ZMAT4: variants seen among roughly 807,000 people sequenced by gnomAD.
ZMAT4 encodes zinc finger matrin-type 4, also known as zinc finger matrin-type protein 4.
A neutral mutation model predicts 28.7 loss-of-function variants in ZMAT4; 17 were observed. That is an observed-to-expected ratio of 0.59 (90% CI 0.41 to 0.89). ZMAT4 has a LOEUF of 0.89. Among genes scored for constraint, ZMAT4 ranks in the 40% least tolerant of loss-of-function variants. ZMAT4 has a pLI of 0.00. For synonymous variants in ZMAT4, 117 were observed against 109.2 expected (o/e 1.07, Z -0.44); for missense variants, 240 against 283.8 (o/e 0.85, Z 1.11).
rs139974686 is a variant in ZMAT4, at chr8:40,684,005, C to T, written c.350-9074G>A. ...ATTGCTTGATCCCATAAGGTCAAGG[C>T]TACAGTGAACCATATTTGTGCCACT... is the stretch of plus-strand genomic sequence containing the variant. On this transcript the variant is annotated intron_variant, in intron 4 of 6. Coordinates refer to ENST00000297737, the MANE Select transcript of ZMAT4 (RefSeq NM_024645.3). Among the ~76,000 whole-genome samples the T allele has an allele frequency of 6.3e-3, 961 of 151,590 alleles. 7 individuals are homozygous for T. The highest frequency in any genetic ancestry group is 0.021 in the African/African-American group (860 of 41,270).
chr8:40,720,535 T>C (rs888158854), intron 3 of ZMAT4, among the ~76,000 whole-genome samples: 1 of 149,426 alleles, frequency 6.7e-6, no homozygotes, highest in African/African-American at 2.5e-5. Flanking sequence ...TTTTTTTTTT[T>C]TTTTTTTTTT....
intron 1 of ZMAT4, among the ~76,000 whole-genome samples, chr8:40,893,864 T>C (rs1022278025): frequency 6.6e-6 from 1 of 152,182 alleles, no homozygotes; most frequent in Admixed American, 6.5e-5. Context: ...CCCCTCTTCA[T>C]GTCCATGTGT....
chr8:40,759,079 C>T (rs1279137852), intron 3 of ZMAT4, among the ~76,000 whole-genome samples: 1 of 151,740 alleles, frequency 6.6e-6, no homozygotes, highest in Non-Finnish European at 1.5e-5. Flanking sequence ...GTCAGGAGTT[C>T]GAGACCAGCC....
intron 3 of ZMAT4, among the ~76,000 whole-genome samples, chr8:40,751,452 AG>A (rs779707120): frequency 4.6e-5 from 7 of 152,002 alleles, no homozygotes; most frequent in Non-Finnish European, 1.0e-4. Flanking sequence ...CACTCTCATG[AG>A]GACTGCACCA....
intron 1 of ZMAT4, among the ~76,000 whole-genome samples, chr8:40,835,486 C>A (rs1816445786): frequency 6.6e-6 from 1 of 152,218 alleles, no homozygotes; most frequent in Non-Finnish European, 1.5e-5. Flanking sequence ...CTGCTCCAGA[C>A]AGGTGGATTT....
In ZMAT4 at chr8:40,746,953, A is replaced by C. The variant is rs904104808; in HGVS notation, c.192+20688T>G. Among the ~76,000 whole-genome samples, 6 of 152,150 alleles carry C rather than the reference A, an allele frequency of 3.9e-5. No individual in the cohort carries two copies. The South Asian group carries it at 1.2e-3, about 32-fold the overall frequency. On this transcript the variant is annotated intron_variant, in intron 3 of 6. Transcript: ENST00000297737. ...CCACTCAGAATCACTGCTGCAGAAA[A>C]ATTCCCTCATTCCGAGGCTGGTGAT...
At chr8:40,820,612 G>T (rs1815738346) in intron 2 of ZMAT4, among the ~76,000 whole-genome samples, 1 of 119,168 alleles carries the variant, frequency 8.4e-6, no homozygotes, top group Admixed American at 8.2e-5. Flanking sequence ...GTGCATGTGT[G>T]TGTATGTGTG....
intron 1 of ZMAT4, among the ~76,000 whole-genome samples, chr8:40,870,393 G>A (rs555981062): frequency 6.6e-6 from 1 of 152,260 alleles, no homozygotes; most frequent in Non-Finnish European, 1.5e-5. Context: ...TAATTAAAAT[G>A]TTTTTTCTCC....
intron 3 of ZMAT4, among the ~76,000 whole-genome samples, chr8:40,709,453 C>A (rs1441949708): frequency 1.3e-5 from 2 of 152,062 alleles, no homozygotes; most frequent in Non-Finnish European, 2.9e-5. Flanking sequence ...TTTAAATTAC[C>A]TGAGCCTTTA....
At chr8:40,836,903 T>C (rs1254023407) in intron 1 of ZMAT4, among the ~76,000 whole-genome samples, 2 of 152,168 alleles carry the variant, frequency 1.3e-5, no homozygotes, top group African/African-American at 4.8e-5. Context: ...AGTGAGATGA[T>C]GATGATCGGT....
intron 6 of ZMAT4, among the ~76,000 whole-genome samples, chr8:40,561,761 A>G (rs1191475025): frequency 2.6e-5 from 4 of 152,120 alleles, no homozygotes; most frequent in Non-Finnish European, 4.4e-5. Context: ...TTCTCAAAAC[A>G]TTATGAGAGT....
chr8:40,620,507 G>A (rs1806157482), intron 5 of ZMAT4, among the ~76,000 whole-genome samples: 1 of 152,128 alleles, frequency 6.6e-6, no homozygotes, highest in South Asian at 2.1e-4. Context: ...CATTCCTGAG[G>A]AATCCCATTT....
chr8:40,760,308 G>A (rs1396806260), intron 3 of ZMAT4, among the ~76,000 whole-genome samples: 1 of 152,106 alleles, frequency 6.6e-6, no homozygotes, highest in Non-Finnish European at 1.5e-5. Context: ...CCTTACCTAA[G>A]TGCTGATTTT....
At chr8:40,547,809 A>G (rs1301760617) in intron 6 of ZMAT4, among the ~76,000 whole-genome samples, 1 of 152,232 alleles carries the variant, frequency 6.6e-6, no homozygotes. Context: ...CCCACACTTT[A>G]TATTTAATAT....
intron 1 of ZMAT4, among the ~76,000 whole-genome samples, chr8:40,869,176 G>C (rs1192989001): frequency 1.3e-5 from 2 of 152,116 alleles, no homozygotes; most frequent in Non-Finnish European, 2.9e-5. Context: ...ATATAAATAT[G>C]AGCCATGCTT....
chr8:40,661,934 CAA>C (rs1450666574), intron 5 of ZMAT4, among the ~76,000 whole-genome samples: 1 of 152,130 alleles, frequency 6.6e-6, no homozygotes, highest in African/African-American at 2.4e-5. Context: ...TCAGCTTCTT[CAA>C]TGTAGACAAA....
At chr8:40,860,513 T>G (rs148349837) in intron 1 of ZMAT4, among the ~76,000 whole-genome samples, 117 of 152,362 alleles carry the variant, frequency 7.7e-4, no homozygotes, top group African/African-American at 2.7e-3. Context: ...TCCTATGAGC[T>G]TCCAGGCCCA....
At chr8:40,722,613 T>C (rs1175177583) in intron 3 of ZMAT4, among the ~76,000 whole-genome samples, 1 of 152,216 alleles carries the variant, frequency 6.6e-6, no homozygotes, top group African/African-American at 2.4e-5. Flanking sequence ...AAAAGCCTAA[T>C]ATTCCTGCTC....
At chr8:40,858,675 C>A (rs1466377037) in intron 1 of ZMAT4, among the ~76,000 whole-genome samples, 1 of 152,128 alleles carries the variant, frequency 6.6e-6, no homozygotes, top group Non-Finnish European at 1.5e-5. Flanking sequence ...TTCCCATACC[C>A]CTCGGTTCAC....
Sources: allele counts gnomAD v4.1 joint callset (sites outside exome capture counted in the v4.1 genomes callset), GRCh38; gene constraint gnomAD v4.1.1; transcripts MANE v1.5; gene names NCBI Gene and HGNC (gene_info 2026-07-23, HGNC 2026-07-21).